Variants in LRRC49 observed in about 807,000 individuals in gnomAD.
The protein encoded by LRRC49 is leucine rich repeat containing 49.
LRRC49 carries 50 observed loss-of-function variants against 83.3 expected under a neutral mutation model. The observed-to-expected ratio is 0.60, with a 90% CI of 0.48 to 0.76. LRRC49 has a LOEUF of 0.76. LRRC49 is among the 30% of genes least tolerant of loss of function. The pLI is 0.00. For missense variants in LRRC49, 704 were observed against 809.1 expected, an observed-to-expected ratio of 0.87 and a Z score of 1.58; for synonymous variants, 286 against 283.3, an observed-to-expected ratio of 1.01 and a Z score of -0.10.
At chr15:70,860,129 G>A (rs958786244) in intron 1 of LRRC49, 87 of 701,752 alleles carry the variant, frequency 1.2e-4, no homozygotes, top group Non-Finnish European at 2.0e-4. Context: ...ATGGGAAGCT[G>A]GTGTCCAAGT....
chr15:70,984,227 G>A lies in LRRC49; in HGVS notation c.1139G>A (p.Ser380Asn). The change falls in exon 11 of 16, where the codon AGC (serine) becomes AAC (asparagine). Residue 380 changes from serine (S) to asparagine (N), a missense_variant. Coordinates refer to ENST00000260382, the MANE Select transcript of LRRC49 (RefSeq NM_017691.5). ...CAGGACCCCTGTCAGATTGATGGAA[G>A]CACCCTCTCTGCATTCCCAGAGGAA... is the stretch of plus-strand genomic sequence containing the variant. The part of the protein sequence containing the change: ...SPQDPCQIDG[S>N]TLSAFPEETG... The A allele has an allele frequency of 1.2e-6, 2 of 1,612,614 alleles. No individual in the cohort carries two copies. The highest frequency in any genetic ancestry group is 8.5e-7 in the Non-Finnish European group (1 of 1,179,188).
At chr15:70,992,246 T>C (rs559894753) in intron 11 of LRRC49, among the ~76,000 whole-genome samples, 1 of 152,352 alleles carries the variant, frequency 6.6e-6, no homozygotes, top group African/African-American at 2.4e-5. Flanking sequence ...TTGTTTGCAA[T>C]GGGTTCGAAC....
rs187041153 is a variant in LRRC49 at position 71,050,365 on chromosome 15, T to C, written c.*753T>C. 6.6e-6 allele frequency: 1 copy of C among 152,214 alleles called. No homozygotes were observed. Among genetic ancestry groups the C allele is most frequent in the Non-Finnish European group, 1.5e-5 (1 of 68,032 alleles). 9.4% of individuals were successfully genotyped at this position (152,214 alleles called of 1,614,324 possible). A position where few individuals can be genotyped will look rare whatever the true frequency, so the allele number is the denominator to read the frequency against. ...TTCTCTGAAAGATGTTTCCTTCCAT[T>C]GTTAGCTCTCAAATGCTCTTTTAAT... is the stretch of plus-strand genomic sequence containing the variant. On this transcript the variant is annotated 3_prime_UTR_variant, in exon 16 of 16. Coordinates refer to ENST00000260382, the MANE Select transcript of LRRC49 (RefSeq NM_017691.5).
chr15:70,981,198 A>G (rs978753836), intron 10 of LRRC49, among the ~76,000 whole-genome samples: 3 of 152,092 alleles, frequency 2.0e-5, no homozygotes, highest in Non-Finnish European at 4.4e-5. Context: ...CTACATATTG[A>G]TCATTAAGAA....
intron 2 of LRRC49, among the ~76,000 whole-genome samples, chr15:70,875,282 A>G (rs773341105): frequency 4.6e-5 from 7 of 152,158 alleles, no homozygotes; most frequent in African/African-American, 7.2e-5. Flanking sequence ...TGTACTAACT[A>G]TTGACTAAAA....
intron 9 of LRRC49, among the ~76,000 whole-genome samples, chr15:70,976,828 T>C (rs2037223546): frequency 2.6e-5 from 4 of 152,178 alleles, no homozygotes; most frequent in Admixed American, 6.5e-5. Context: ...TTATAACTTA[T>C]CTTCACAATT....
rs550253470 is a variant in LRRC49 at position 71,042,204 on chromosome 15, TC to T, written c.1857+4875del. Among the ~76,000 whole-genome samples the T allele has an allele frequency of 2.4e-3, 364 of 152,300 alleles. 3 individuals carry two copies. The highest frequency in any genetic ancestry group is 0.015 in the South Asian group (73 of 4,826). On this transcript the variant is annotated intron_variant, in intron 15 of 15. Transcript: ENST00000260382. ...GTTTTTTTCTATGTTGCCCAGTCTG[TC>T]CCTGAGCTCCTGGGCTCAAGAAATC...
rs117195313 is a variant in LRRC49, at chr15:70,898,567, G to T, written c.194-2355G>T. On this transcript the variant is annotated intron_variant, in intron 3 of 15. Coordinates refer to ENST00000260382, the MANE Select transcript of LRRC49 (RefSeq NM_017691.5). Reference sequence around the variant, plus strand: ...AGGTGGGTGGATTGCTTGAGCCCAGGAGTTCAAGACCCCATCTTGAACATG... The same window carrying T: ...AGGTGGGTGGATTGCTTGAGCCCAGTAGTTCAAGACCCCATCTTGAACATG... 2,797 of 553,870 alleles carry T rather than the reference G, an allele frequency of 5.0e-3. 92 individuals are homozygous for T. The East Asian group carries it at 0.072, about 14-fold the overall frequency. 34.3% of individuals were successfully genotyped at this position (553,870 alleles called of 1,614,324 possible).
At chr15:70,869,286 T>G (rs1422702046) in intron 1 of LRRC49, among the ~76,000 whole-genome samples, 33 of 152,186 alleles carry the variant, frequency 2.2e-4, no homozygotes, top group Admixed American at 2.1e-3. Context: ...TGGATAGTAT[T>G]ATATTTGTTC....
intron 8 of LRRC49, among the ~76,000 whole-genome samples, chr15:70,954,481 A>T (rs1269552655): frequency 1.3e-5 from 2 of 152,194 alleles, no homozygotes; most frequent in Non-Finnish European, 2.9e-5. Flanking sequence ...TAGTGTGATC[A>T]TCTGGAGGTA....
At chr15:70,889,691 A>G (rs1408462234), upstream of LRRC49, among the ~76,000 whole-genome samples, 3 of 152,170 alleles carry the variant, frequency 2.0e-5, no homozygotes, top group Admixed American at 1.3e-4. Flanking sequence ...CCCCCTAAAG[A>G]TATGTAACAC....
chr15:70,866,777 TTAAC>T (rs1297048522), intron 1 of LRRC49, among the ~76,000 whole-genome samples: 1 of 151,956 alleles, frequency 6.6e-6, no homozygotes, highest in African/African-American at 2.4e-5. Context: ...TTAAGAAAAT[TTAAC>T]TAAATTGGAC....
intron 5 of LRRC49, chr15:70,908,559 A>T (rs1166826617): frequency 1.3e-5 from 2 of 152,708 alleles, no homozygotes; most frequent in Non-Finnish European, 2.9e-5. Context: ...TCTGAAAAAT[A>T]TCTCAAACAC....
At position 70,858,778 on chromosome 15, in the gene LRRC49, C is replaced by T. The variant is rs547806255; in HGVS notation, c.-299+5309C>T. Reference sequence around the variant, plus strand: ...CCTCTGGCCCCCGGGCCTTCAGCAGCTGCTCCTACACAAGTGGGCCCAGTG... The same window carrying T: ...CCTCTGGCCCCCGGGCCTTCAGCAGTTGCTCCTACACAAGTGGGCCCAGTG... On this transcript the variant is annotated intron_variant, in intron 1 of 16. Transcript: ENST00000544974. The T allele has an allele frequency of 4.9e-5, 52 of 1,059,264 alleles. No individual in the cohort carries two copies. In the African/African-American group the frequency reaches 6.4e-4, roughly 13 times the overall value. The allele number at this position is 1,059,264 out of a possible 1,614,324, so 65.6% of individuals were successfully genotyped here.
intron 2 of LRRC49, among the ~76,000 whole-genome samples, chr15:70,875,020 T>G (rs1388203965): frequency 6.6e-6 from 1 of 152,258 alleles, no homozygotes; most frequent in Non-Finnish European, 1.5e-5. Context: ...CAGTCATTTC[T>G]GATGAAGAGT....
At position 71,052,077 on chromosome 15, in the gene LRRC49, A is replaced by T. The variant is rs935990082; in HGVS notation, c.*2465A>T. On this transcript the variant is annotated 3_prime_UTR_variant, in exon 16 of 16. Transcript: ENST00000260382. ...AAGTTCCTTGGTGAAGATAATCCCC[A>T]GATAAAAAGACAAGGAGACCTGGGT... is the stretch of plus-strand genomic sequence containing the variant. 6.6e-6 allele frequency: 1 copy of T among 152,218 alleles called. No homozygotes were observed. The highest frequency in any genetic ancestry group is 1.5e-5 in the Non-Finnish European group (1 of 68,066). The allele number at this position is 152,218 out of a possible 1,614,324, so 9.4% of individuals were successfully genotyped here.
chr15:70,944,562 G>A (rs1409422258), intron 8 of LRRC49, among the ~76,000 whole-genome samples: 1 of 152,050 alleles, frequency 6.6e-6, no homozygotes, highest in Admixed American at 6.5e-5. Flanking sequence ...GTGCCACCAT[G>A]CCCAACTTAT....
intron 1 of LRRC49, among the ~76,000 whole-genome samples, chr15:70,855,595 G>C (rs2032636580): frequency 2.0e-5 from 3 of 152,200 alleles, no homozygotes; most frequent in Admixed American, 2.0e-4. Flanking sequence ...ACCATGTATA[G>C]GGTCCTGGGT....
chr15:70,909,839 A>AACACACACAC (rs146189261), intron 5 of LRRC49, among the ~76,000 whole-genome samples: 7,652 of 136,016 alleles, frequency 0.056, 358 homozygotes, highest in African/African-American at 0.12. Flanking sequence ...CTCCATCTCA[A>AACACACACAC]ACACACACAC....
Sources: gnomAD v4.1 joint callset for allele counts (sites outside exome capture counted in the v4.1 genomes callset) on GRCh38, gnomAD v4.1.1 for gene constraint, MANE v1.5 for transcripts, NCBI Gene and HGNC (gene_info 2026-07-23, HGNC 2026-07-21) for gene names.